The following PRRX2 variants were observed in gnomAD, a reference collection of about 807,000 sequenced individuals.
PRRX2 encodes paired related homeobox 2.
PRRX2 carries 11 observed loss-of-function variants against 18.0 expected under a neutral mutation model. That is an observed-to-expected ratio of 0.61 (90% CI 0.39 to 1.01). The LOEUF (loss-of-function observed/expected upper bound fraction) is 1.01. PRRX2 is among the 50% of genes least tolerant of loss of function. PRRX2 has a pLI of 0.01. For missense variants in PRRX2, 387 were observed against 351.0 expected, an observed-to-expected ratio of 1.10 and a Z score of -0.82; for synonymous variants, 177 against 154.8, an observed-to-expected ratio of 1.14 and a Z score of -1.06.
At chr9:129,678,589 C>G (rs1188412172) in intron 1 of PRRX2, among the ~76,000 whole-genome samples, 1 of 151,986 alleles carries the variant, frequency 6.6e-6, no homozygotes, top group African/African-American at 2.4e-5. Flanking sequence ...GAGGGCACGC[C>G]GGGTGGAGGA....
intron 1 of PRRX2, among the ~76,000 whole-genome samples, chr9:129,667,579 G>A (rs1285993665): frequency 2.0e-5 from 3 of 152,080 alleles, no homozygotes; most frequent in East Asian, 1.9e-4. Context: ...AGGAGAGACA[G>A]AGGAAGAGGA....
chr9:129,710,333 G>A (rs2130929816), intron 1 of PRRX2, among the ~76,000 whole-genome samples: 1 of 152,334 alleles, frequency 6.6e-6, no homozygotes. Context: ...CCAGGGAGGT[G>A]AAGATGGACC....
chr9:129,706,961 A>G (rs1832565058), intron 1 of PRRX2, among the ~76,000 whole-genome samples: 1 of 152,186 alleles, frequency 6.6e-6, no homozygotes. Context: ...ATATAAAAGA[A>G]ATCATTCACT....
rs1369552999 is a variant in PRRX2, at chr9:129,709,624, A to G, written c.260-9607A>G. ...CTCCTCGGGCCCCACTGCGGCTTCC[A>G]TCATCACCTTCCTTCCCGGGATGTG... On this transcript the variant is annotated intron_variant, in intron 1 of 3. Coordinates refer to ENST00000372469, the MANE Select transcript of PRRX2 (RefSeq NM_016307.4). The surrounding 1 kb of genome is among the most constrained non-coding windows in gnomAD (Gnocchi z 4.2). Among the ~76,000 whole-genome samples the G allele has an allele frequency of 1.3e-5, 2 of 152,208 alleles. No individual in the cohort carries two copies. The highest frequency in any genetic ancestry group is 2.9e-5 in the Non-Finnish European group (2 of 68,028).
chr9:129,674,223 G>C (rs1832137202), intron 1 of PRRX2, among the ~76,000 whole-genome samples: 1 of 152,188 alleles, frequency 6.6e-6, no homozygotes, highest in Non-Finnish European at 1.5e-5. Flanking sequence ...GAAGTTGTTT[G>C]TGCCCAGCCA....
Position 129,719,307 on chromosome 9 carries a change from C to T in PRRX2, c.336C>T (p.Asn112=), listed in dbSNP as rs1431086737. 2 of 1,610,872 alleles carry T rather than the reference C, an allele frequency of 1.2e-6. No homozygotes were observed. The highest frequency in any genetic ancestry group is 1.7e-6 in the Non-Finnish European group (2 of 1,179,078). Residue 112 remains asparagine, a synonymous_variant, in exon 2 of 4, where the codon AAC becomes AAT. Coordinates refer to ENST00000372469, the MANE Select transcript of PRRX2 (RefSeq NM_016307.4). ...AGCGGCGGAACCGCACCACGTTCAA[C>T]AGCAGCCAACTGCAGGCGCTGGAGC... ...KKQRRNRTTF[N]SSQLQALERV...
At chr9:129,710,633 T>C (rs1041854982) in intron 1 of PRRX2, among the ~76,000 whole-genome samples, 8 of 152,168 alleles carry the variant, frequency 5.3e-5, no homozygotes, top group African/African-American at 1.7e-4. Context: ...CTCGGGAGGC[T>C]GAAGCAGGAG....
intron 1 of PRRX2, among the ~76,000 whole-genome samples, chr9:129,687,966 G>A (rs1307912868): frequency 6.6e-6 from 1 of 152,234 alleles, no homozygotes; most frequent in Non-Finnish European, 1.5e-5. Flanking sequence ...TGCAATCACT[G>A]CTCACCGCAG....
chr9:129,697,754 G>T (rs13301001), intron 1 of PRRX2, among the ~76,000 whole-genome samples: 2,912 of 152,180 alleles, frequency 0.019, 43 homozygotes, highest in Middle Eastern at 0.058. Context: ...GGGAAAGATG[G>T]CTTCTCAGAA....
chr9:129,683,624 A>G (rs1832260756), intron 1 of PRRX2, among the ~76,000 whole-genome samples: 1 of 151,988 alleles, frequency 6.6e-6, no homozygotes, highest in South Asian at 2.1e-4. Flanking sequence ...AGTCCCAACT[A>G]CTCGGGAGGC....
chr9:129,682,928 AC>A (rs139699879), intron 1 of PRRX2, among the ~76,000 whole-genome samples: 5 of 151,296 alleles, frequency 3.3e-5, no homozygotes, highest in South Asian at 2.1e-4. Flanking sequence ...AACATGGTGA[AC>A]CCCCCCCATC....
At chr9:129,687,748 GC>G (rs1832313703) in intron 1 of PRRX2, among the ~76,000 whole-genome samples, 1 of 152,236 alleles carries the variant, frequency 6.6e-6, no homozygotes, top group African/African-American at 2.4e-5. Flanking sequence ...AGGTAGCATG[GC>G]CCAGGAGACA....
At chr9:129,713,716 C>T (rs112299001) in intron 1 of PRRX2, among the ~76,000 whole-genome samples, 12,041 of 151,686 alleles carry the variant, frequency 0.079, 612 homozygotes, top group African/African-American at 0.14. Flanking sequence ...CTGCAACCTC[C>T]GCCTGCCGGG....
At position 129,699,439 on chromosome 9, in the gene PRRX2, A is replaced by G. The variant is rs531411713; in HGVS notation, c.260-19792A>G. Among the ~76,000 whole-genome samples, 1,025 of 145,588 alleles carry G rather than the reference A, an allele frequency of 7.0e-3. 10 individuals are homozygous for G. Among genetic ancestry groups the G allele is most frequent in the African/African-American group, 0.021 (848 of 39,560 alleles). Reference sequence around the variant, plus strand: ...ACTCTGTCTCAAAAAAAATATATATATGTGTGTGTGTGTGTGTGTGTGTGT... The same window carrying G: ...ACTCTGTCTCAAAAAAAATATATATGTGTGTGTGTGTGTGTGTGTGTGTGT... On this transcript the variant is annotated intron_variant, in intron 1 of 3. Transcript: ENST00000372469.
Position 129,702,397 on chromosome 9 carries a change from CAAA to C in PRRX2, c.260-16820_260-16818del, listed in dbSNP as rs79630793. The stretch of plus-strand genomic sequence containing the variant: ...TGGGCGACAGAGCGAGACTCCGTCT[CAAA>C]AAAAAAAAAAAAACTTTCTAGAACT... On this transcript the variant is annotated intron_variant, in intron 1 of 3. Transcript: ENST00000372469. 7.8e-4 allele frequency among the ~76,000 whole-genome samples: 70 copies of C among 89,314 alleles called. 3 individuals carry two copies. The highest frequency in any genetic ancestry group is 1.7e-4 in the Non-Finnish European group (7 of 41,538). The allele number at this position is 89,314 out of a possible 152,430, so 58.6% of individuals were successfully genotyped here. A position where few individuals can be genotyped will look rare whatever the true frequency, so the allele number is the denominator to read the frequency against.
chr9:129,699,024 C>T (rs112849083), intron 1 of PRRX2, among the ~76,000 whole-genome samples: 1 of 152,222 alleles, frequency 6.6e-6, no homozygotes, highest in Non-Finnish European at 1.5e-5. Context: ...ACAGGAAGGC[C>T]GCTGTGCCTG....
chr9:129,703,927 A>G (rs917444567), intron 1 of PRRX2, among the ~76,000 whole-genome samples: 4 of 152,244 alleles, frequency 2.6e-5, no homozygotes, highest in Non-Finnish European at 4.4e-5. Flanking sequence ...TCAGCCTCGC[A>G]GGCACTGCCC....
chr9:129,716,562 C>T (rs1205336754), intron 1 of PRRX2, among the ~76,000 whole-genome samples: 7 of 150,980 alleles, frequency 4.6e-5, no homozygotes, highest in Admixed American at 2.0e-4. Context: ...TCAAGTGATT[C>T]TCCTGCCTCA....
At chr9:129,698,103 C>T (rs1281054243) in intron 1 of PRRX2, among the ~76,000 whole-genome samples, 2 of 152,060 alleles carry the variant, frequency 1.3e-5, no homozygotes. Flanking sequence ...CTGTCAGCAC[C>T]GAGCCTTCCC....
Sources: gnomAD v4.1 joint callset for allele counts (sites outside exome capture counted in the v4.1 genomes callset) on GRCh38, gnomAD v4.1.1 for gene constraint, Gnocchi (gnomAD v3.1) non-coding constraint, MANE v1.5 for transcripts, NCBI Gene and HGNC (gene_info 2026-07-23, HGNC 2026-07-21) for gene names.